Variants in ECPAS observed in about 807,000 individuals in gnomAD.
ECPAS encodes Ecm29 proteasome adaptor and scaffold.
Under a neutral mutation model 255.1 loss-of-function variants are expected in ECPAS, and 70 were observed. That is an observed-to-expected ratio of 0.27 (90% confidence interval 0.23 to 0.33). The LOEUF is 0.33. Ranked by LOEUF, ECPAS falls within the 10% of genes least tolerant of loss-of-function variation. The pLI is 1.00. For missense variants in ECPAS, 1,817 were observed against 2,206.4 expected (o/e 0.82, Z 3.54); for synonymous variants, 784 against 775.0 (o/e 1.01, Z -0.19).
intron 1 of ECPAS, chr9:111,483,395 G>A (rs1276728099): frequency 2.0e-5 from 8 of 397,402 alleles, no homozygotes; most frequent in Non-Finnish European, 2.4e-5. Context: ...CGCCGCGGCC[G>A]CCGCCCGCCC....
intron 48 of ECPAS, among the ~76,000 whole-genome samples, chr9:111,364,182 C>T (rs527453032): frequency 4.6e-4 from 70 of 152,276 alleles, no homozygotes; most frequent in Middle Eastern, 3.4e-3. Context: ...CACTCTTTGA[C>T]ACGGCGTCTG....
intron 10 of ECPAS, among the ~76,000 whole-genome samples, chr9:111,427,765 A>C (rs2098223896): frequency 6.6e-6 from 1 of 152,204 alleles, no homozygotes; most frequent in South Asian, 2.1e-4. Context: ...CCAGGTATGG[A>C]ATTTTGCACT....
At chr9:111,454,059 T>C (rs1370462408) in intron 2 of ECPAS, among the ~76,000 whole-genome samples, 3 of 152,104 alleles carry the variant, frequency 2.0e-5, no homozygotes, top group Non-Finnish European at 2.9e-5. Flanking sequence ...GTGATTCTAT[T>C]TGATAAATGC....
chr9:111,408,712 AT>A, intron 23 of ECPAS, 40 bp from the exon 24 acceptor site: 2 of 1,279,690 alleles, frequency 1.6e-6, no homozygotes, highest in Non-Finnish European at 2.2e-6. Context: ...AACAGAGTAT[AT>A]AATAGCTTTA....
chr9:111,395,796 TTG>T (rs2098166752), intron 25 of ECPAS, among the ~76,000 whole-genome samples: 1 of 152,170 alleles, frequency 6.6e-6, no homozygotes, highest in African/African-American at 2.4e-5. Flanking sequence ...CACTTCAGGT[TTG>T]GTTGTCTTCT....
intron 2 of ECPAS, among the ~76,000 whole-genome samples, chr9:111,468,457 C>T (rs1018097888): frequency 2.6e-5 from 4 of 151,968 alleles, no homozygotes; most frequent in African/African-American, 9.7e-5. Flanking sequence ...CAACTGTATA[C>T]GACGTGACTC....
chr9:111,375,621 G>C (rs894794320), intron 37 of ECPAS, among the ~76,000 whole-genome samples: 1 of 151,886 alleles, frequency 6.6e-6, no homozygotes, highest in Non-Finnish European at 1.5e-5. Context: ...TAAATTGCTG[G>C]CCTTTATTTT....
chr9:111,370,656 G>T (rs1279895354), intron 44 of ECPAS, 29 bp from the exon 45 acceptor site: 1 of 1,607,210 alleles, frequency 6.2e-7, no homozygotes, highest in East Asian at 2.2e-5. Flanking sequence ...AGCATCAGAA[G>T]TTAATAAAGG....
intron 13 of ECPAS, 33 bp from the exon 14 acceptor site, chr9:111,422,233 A>T (rs372303513): frequency 1.9e-6 from 3 of 1,588,520 alleles, no homozygotes; most frequent in African/African-American, 1.4e-5. Context: ...TGTTACTATC[A>T]TAAATTTCCA....
intron 24 of ECPAS, among the ~76,000 whole-genome samples, chr9:111,408,024 G>A (rs2098187847): frequency 6.6e-6 from 1 of 152,196 alleles, no homozygotes. Context: ...AAGGAAGTAG[G>A]CGGCTTTCAA....
chr9:111,446,914 T>C (rs2098253840), intron 3 of ECPAS, among the ~76,000 whole-genome samples: 1 of 152,194 alleles, frequency 6.6e-6, no homozygotes, highest in African/African-American at 2.4e-5. Context: ...TTGTCATCCA[T>C]ACTTCATCCG....
rs552851696 is a variant in ECPAS at position 111,412,540 on chromosome 9, C to G, written c.2080-392G>C. Among the ~76,000 whole-genome samples the G allele has an allele frequency of 3.3e-5, 5 of 152,246 alleles. No homozygotes were observed. In the South Asian group the frequency reaches 1.0e-3, roughly 32 times the overall value. ...GGGTTCCAGTAAAACATGGACACGA[C>G]AATGTTTGTGTCATGAAACATTATT... On this transcript the variant is annotated intron_variant, in intron 20 of 49. Coordinates refer to ENST00000684092, the MANE Select transcript of ECPAS (RefSeq NM_001364929.1).
At chr9:111,402,385 T>C (rs1589149293) in intron 24 of ECPAS, among the ~76,000 whole-genome samples, 1 of 152,178 alleles carries the variant, frequency 6.6e-6, no homozygotes, top group South Asian at 2.1e-4. Flanking sequence ...AATTCTAGCA[T>C]GCAACAAAAA....
intron 2 of ECPAS, among the ~76,000 whole-genome samples, chr9:111,452,149 G>A (rs932705624): frequency 4.6e-5 from 7 of 152,228 alleles, no homozygotes; most frequent in Middle Eastern, 3.4e-3. Flanking sequence ...ACACTGCAGC[G>A]GCAAGCAGGA....
intron 2 of ECPAS, among the ~76,000 whole-genome samples, chr9:111,460,062 T>C (rs1355361370): frequency 6.6e-6 from 1 of 152,144 alleles, no homozygotes; most frequent in Non-Finnish European, 1.5e-5. Flanking sequence ...TAAATCATAA[T>C]ACATAAAATA....
At chr9:111,413,402 T>C (rs974265701) in intron 20 of ECPAS, among the ~76,000 whole-genome samples, 4 of 152,212 alleles carry the variant, frequency 2.6e-5, no homozygotes, top group African/African-American at 7.2e-5. Context: ...ATGAATAGTA[T>C]GCTGCTTTTG....
intron 13 of ECPAS, 140 bp from the exon 14 acceptor site, chr9:111,422,340 T>G: frequency 2.7e-6 from 2 of 750,280 alleles, no homozygotes; most frequent in Middle Eastern, 7.6e-4. Flanking sequence ...AGCCAAAAAT[T>G]TTTCCAAGTA....
intron 15 of ECPAS, 68 bp downstream of exon 15, chr9:111,421,853 A>T: frequency 6.5e-7 from 1 of 1,549,636 alleles, no homozygotes. Flanking sequence ...GTTAAGTAGC[A>T]ATTCAAATTT....
At chr9:111,437,270 TAA>T (rs2098239558) in intron 6 of ECPAS, among the ~76,000 whole-genome samples, 162 bp from the exon 7 acceptor site, 2 of 152,192 alleles carry the variant, frequency 1.3e-5, no homozygotes, top group African/African-American at 4.8e-5. Flanking sequence ...TTAAGGTATC[TAA>T]AAAAGATGTA....
Sources: allele counts gnomAD v4.1 joint callset (sites outside exome capture counted in the v4.1 genomes callset), GRCh38; gene constraint gnomAD v4.1.1; transcripts MANE v1.5; gene names NCBI Gene and HGNC (gene_info 2026-07-23, HGNC 2026-07-21).